TAS2R1: variants seen among roughly 807,000 people sequenced by gnomAD.
TAS2R1 encodes taste 2 receptor member 1.
For missense variants in TAS2R1, 370 were observed against 353.4 expected (o/e 1.05, Z -0.38); for synonymous variants, 141 against 134.2 (o/e 1.05, Z -0.35).
chr5:9,663,387 T>G (rs1412808067), intron 1 of TAS2R1, among the ~76,000 whole-genome samples: 1 of 152,174 alleles, frequency 6.6e-6, no homozygotes, highest in Admixed American at 6.5e-5. Flanking sequence ...GTTAGAATAT[T>G]TGCAAGTCTA....
the TAS2R1 span, among the ~76,000 whole-genome samples, chr5:9,837,672 G>A: frequency 1.3e-5 from 2 of 152,046 alleles, no homozygotes; most frequent in South Asian, 2.1e-4. Context: ...GCACACACAC[G>A]TCTCCACTGG....
intron 1 of TAS2R1, among the ~76,000 whole-genome samples, chr5:9,708,608 TTC>T (rs1287712020): frequency 1.3e-5 from 2 of 150,784 alleles, no homozygotes; most frequent in African/African-American, 5.0e-5. Context: ...CTTTTTTTTT[TTC>T]TTTTCAGTCC....
At chr5:9,736,201 C>T in the TAS2R1 span, among the ~76,000 whole-genome samples, 1 of 152,196 alleles carries the variant, frequency 6.6e-6, no homozygotes, top group Non-Finnish European at 1.5e-5. Flanking sequence ...TCTTTTTCTT[C>T]CTCACTTCCC....
the TAS2R1 span, among the ~76,000 whole-genome samples, chr5:9,738,313 C>T: frequency 6.6e-6 from 1 of 152,174 alleles, no homozygotes; most frequent in Non-Finnish European, 1.5e-5. Context: ...GACAGACCAT[C>T]TCTGTGTGCT....
chr5:9,860,046 G>A, the TAS2R1 span, among the ~76,000 whole-genome samples: 4 of 152,198 alleles, frequency 2.6e-5, no homozygotes, highest in Middle Eastern at 3.2e-3. Context: ...AGCTTGAAGT[G>A]TGTATGTTTG....
chr5:9,850,255 T>C, the TAS2R1 span, among the ~76,000 whole-genome samples: 3 of 152,202 alleles, frequency 2.0e-5, no homozygotes, highest in South Asian at 2.1e-4. Context: ...AAACTCTCTA[T>C]GTGTGTGCTT....
At chr5:9,644,806 G>A (rs993566332) in intron 2 of TAS2R1, among the ~76,000 whole-genome samples, 2 of 152,098 alleles carry the variant, frequency 1.3e-5, no homozygotes, top group African/African-American at 4.8e-5. Context: ...TTTGTGGAAG[G>A]ATGCCCTGAC....
chr5:9,862,803 G>C, the TAS2R1 span: 2 of 152,190 alleles, frequency 1.3e-5, no homozygotes, highest in South Asian at 4.2e-4. Flanking sequence ...TTAGTAGAGA[G>C]AGTTTCTTGC....
chr5:9,722,132 G>A, the TAS2R1 span, among the ~76,000 whole-genome samples: 3 of 152,136 alleles, frequency 2.0e-5, no homozygotes, highest in Non-Finnish European at 2.9e-5. Context: ...GATGATGATG[G>A]TCTCTGGCCA....
At chr5:9,707,619 G>A (rs1264742092) in intron 1 of TAS2R1, among the ~76,000 whole-genome samples, 1 of 152,110 alleles carries the variant, frequency 6.6e-6, no homozygotes, top group Non-Finnish European at 1.5e-5. Flanking sequence ...GGAAGCAGAG[G>A]TTGCAGTGAG....
chr5:9,807,690 T>C, the TAS2R1 span, among the ~76,000 whole-genome samples: 1 of 152,158 alleles, frequency 6.6e-6, no homozygotes, highest in East Asian at 1.9e-4. Flanking sequence ...TCATATGTTC[T>C]CACTCATAAG....
At chr5:9,897,971 T>C in the TAS2R1 span, among the ~76,000 whole-genome samples, 1 of 152,186 alleles carries the variant, frequency 6.6e-6, no homozygotes, top group Non-Finnish European at 1.5e-5. Flanking sequence ...CTTTAATTAA[T>C]CCTCCGAATT....
At chr5:9,633,886 T>C (rs1180104562), upstream of TAS2R1, among the ~76,000 whole-genome samples, 1 of 152,088 alleles carries the variant, frequency 6.6e-6, no homozygotes, top group African/African-American at 2.4e-5. Flanking sequence ...TTTTCTCCTA[T>C]TCTGTGGGTC....
chr5:9,725,477 G>C, the TAS2R1 span, among the ~76,000 whole-genome samples: 6 of 152,326 alleles, frequency 3.9e-5, no homozygotes, highest in East Asian at 1.2e-3. Flanking sequence ...CAGCTGTGAA[G>C]GGTGTACTGG....
the TAS2R1 span, among the ~76,000 whole-genome samples, chr5:9,759,510 C>T: frequency 1.3e-5 from 2 of 152,278 alleles, no homozygotes; most frequent in South Asian, 4.1e-4. Context: ...ATCCAGGAAT[C>T]TGCATTTTAA....
chr5:9,897,135 TA>T, the TAS2R1 span, among the ~76,000 whole-genome samples: 1 of 152,138 alleles, frequency 6.6e-6, no homozygotes, highest in African/African-American at 2.4e-5. Context: ...GAGGTTTTCT[TA>T]AAACAAAACA....
chr5:9,691,247 G>A (rs889502583), intron 1 of TAS2R1, among the ~76,000 whole-genome samples: 3 of 152,242 alleles, frequency 2.0e-5, no homozygotes, highest in African/African-American at 7.2e-5. Context: ...GAAGACAGAG[G>A]CAAAGACTGA....
At chr5:9,869,782 G>A in the TAS2R1 span, among the ~76,000 whole-genome samples, 1 of 152,146 alleles carries the variant, frequency 6.6e-6, no homozygotes, top group Admixed American at 6.6e-5. Flanking sequence ...GCTAATTGTG[G>A]TTGGTATCCT....
the TAS2R1 span, among the ~76,000 whole-genome samples, chr5:9,872,116 C>T: frequency 6.6e-6 from 1 of 152,030 alleles, no homozygotes; most frequent in Non-Finnish European, 1.5e-5. Context: ...CATATTTTTG[C>T]TCCCAGGCTT....
Sources: allele counts gnomAD v4.1 joint callset (sites outside exome capture counted in the v4.1 genomes callset), GRCh38; gene constraint gnomAD v4.1.1; transcripts MANE v1.5; gene names NCBI Gene and HGNC (gene_info 2026-07-23, HGNC 2026-07-21).